The following THSD7A variants were observed in gnomAD, a reference collection of about 807,000 sequenced individuals.
THSD7A encodes the protein thrombospondin type-1 domain-containing protein 7A.
Under a neutral mutation model 231.3 loss-of-function variants are expected in THSD7A, and 96 were observed. The ratio of observed to expected loss-of-function variants is 0.41; its 90% confidence interval spans 0.35 to 0.49. THSD7A has a LOEUF of 0.49. THSD7A is among the 20% of genes least tolerant of loss of function. The pLI is 0.05. For synonymous variants in THSD7A, 940 were observed against 743.3 expected, an observed-to-expected ratio of 1.26 and a Z score of -4.30; for missense variants, 2,290 against 2,070.2, an observed-to-expected ratio of 1.11 and a Z score of -2.06.
At chr7:11,640,920 A>G (rs1452816257) in intron 1 of THSD7A, among the ~76,000 whole-genome samples, 1 of 152,136 alleles carries the variant, frequency 6.6e-6, no homozygotes, top group Non-Finnish European at 1.5e-5. Context: ...TTCATTCTTT[A>G]GTTTTGAGAA....
At chr7:11,558,976 G>A (rs556986647) in intron 4 of THSD7A, among the ~76,000 whole-genome samples, 2 of 114,428 alleles carry the variant, frequency 1.7e-5, no homozygotes, top group Non-Finnish European at 4.0e-5. Flanking sequence ...AAGATGAGAT[G>A]GAAGAAAAAG....
chr7:11,477,559 G>A (rs1321382095), intron 7 of THSD7A, among the ~76,000 whole-genome samples: 1 of 152,010 alleles, frequency 6.6e-6, no homozygotes, highest in Middle Eastern at 3.2e-3. Flanking sequence ...ATAATATGTG[G>A]ATCCATGGTT....
At position 11,537,495 on chromosome 7, in the gene THSD7A, A is replaced by C. The variant is rs746089147; in HGVS notation, c.1822+3924T>G. ...ATCTGGTTGTTCAAAAATGTGTGGC[A>C]TCTCTCTCTTCTCTCCCTCTGTTGC... On this transcript the variant is annotated intron_variant, in intron 6 of 27. Coordinates refer to ENST00000423059, the MANE Select transcript of THSD7A (RefSeq NM_015204.3). Among the ~76,000 whole-genome samples the C allele has an allele frequency of 3.0e-4, 45 of 152,140 alleles. 1 individual carries two copies. Among genetic ancestry groups the C allele is most frequent in the South Asian group, 2.1e-4 (1 of 4,808 alleles).
At chr7:11,713,563 A>G (rs1030559266) in intron 1 of THSD7A, among the ~76,000 whole-genome samples, 2 of 151,250 alleles carry the variant, frequency 1.3e-5, no homozygotes, top group African/African-American at 4.8e-5. Flanking sequence ...TATTCAGAGT[A>G]AAAGTCCGAA....
At chr7:11,677,482 G>A (rs1016298304) in intron 1 of THSD7A, among the ~76,000 whole-genome samples, 1 of 146,142 alleles carries the variant, frequency 6.8e-6, no homozygotes, top group Non-Finnish European at 1.5e-5. Flanking sequence ...AAAGAGTCAA[G>A]ACCCATCAGT....
At chr7:11,685,891 G>A (rs1223562731) in intron 1 of THSD7A, among the ~76,000 whole-genome samples, 2 of 151,826 alleles carry the variant, frequency 1.3e-5, no homozygotes, top group Non-Finnish European at 2.9e-5. Flanking sequence ...AAAATAAATT[G>A]TTCTTCCAAA....
intron 4 of THSD7A, among the ~76,000 whole-genome samples, chr7:11,582,913 T>C (rs1472388427): frequency 1.4e-5 from 2 of 147,898 alleles, no homozygotes; most frequent in African/African-American, 5.1e-5. Context: ...TTTTTCCTAA[T>C]TCTGTATATC....
chr7:11,817,429 C>T (rs1226429857), intron 1 of THSD7A, among the ~76,000 whole-genome samples: 2 of 152,208 alleles, frequency 1.3e-5, no homozygotes, highest in Non-Finnish European at 2.9e-5. Flanking sequence ...AAAAACCATA[C>T]TTTGAACAAC....
At chr7:11,740,631 T>C (rs1372096895) in intron 1 of THSD7A, among the ~76,000 whole-genome samples, 1 of 151,910 alleles carries the variant, frequency 6.6e-6, no homozygotes, top group Non-Finnish European at 1.5e-5. Context: ...CTCCCTTGGG[T>C]CATTCTGGTC....
chr7:11,830,559 T>A (rs1234158078), intron 1 of THSD7A, among the ~76,000 whole-genome samples: 1 of 152,256 alleles, frequency 6.6e-6, no homozygotes, highest in Non-Finnish European at 1.5e-5. Flanking sequence ...ATCTTGCTTT[T>A]TAAAATGTGT....
Position 11,375,740 on chromosome 7 carries a change from G to A in THSD7A, c.*54C>T, listed in dbSNP as rs555455789. 2.3e-5 allele frequency: 33 copies of A among 1,432,516 alleles called. No individual in the cohort carries two copies. Among genetic ancestry groups the A allele is most frequent in the South Asian group, 1.3e-4 (11 of 85,070 alleles). The allele number at this position is 1,432,516 out of a possible 1,614,324, so 88.7% of individuals were successfully genotyped here. A position where few individuals can be genotyped will look rare whatever the true frequency, so the allele number is the denominator to read the frequency against. ...TTGGATACATTTGTTGTGGCCTCTG[G>A]ACATCTATGAAGTCAGAAAGCCGAA... On this transcript the variant is annotated 3_prime_UTR_variant, in exon 28 of 28. Transcript: ENST00000423059.
chr7:11,463,926 C>G (rs1438397000), intron 9 of THSD7A, among the ~76,000 whole-genome samples: 5 of 152,104 alleles, frequency 3.3e-5, no homozygotes, highest in Non-Finnish European at 7.4e-5. Flanking sequence ...AGGGAAAATT[C>G]TGTCTCCCTT....
chr7:11,373,803 C>G lies in THSD7A; in HGVS notation c.*1991G>C, dbSNP rs949051194. On this transcript the variant is annotated 3_prime_UTR_variant, in exon 28 of 28. Transcript: ENST00000423059. ...CCAAAACACTTTTACAGGAACACAG[C>G]TGTTTAAGATAAAATAGCATGTTAG... is the stretch of plus-strand genomic sequence containing the variant. The G allele has an allele frequency of 3.0e-4, 46 of 152,008 alleles. No individual in the cohort carries two copies. Among genetic ancestry groups the G allele is most frequent in the African/African-American group, 1.1e-3 (44 of 41,414 alleles). 9.4% of individuals were successfully genotyped at this position (152,008 alleles called of 1,614,324 possible). A position where few individuals can be genotyped will look rare whatever the true frequency, so the allele number is the denominator to read the frequency against.
At chr7:11,597,027 C>T (rs1482118200) in intron 2 of THSD7A, among the ~76,000 whole-genome samples, 2 of 152,230 alleles carry the variant, frequency 1.3e-5, no homozygotes, top group Non-Finnish European at 2.9e-5. Context: ...TTGCTTTTCA[C>T]TTCCACAAAG....
chr7:11,815,750 C>T (rs772244870), intron 1 of THSD7A, among the ~76,000 whole-genome samples: 13 of 152,014 alleles, frequency 8.6e-5, no homozygotes, highest in African/African-American at 7.2e-5. Context: ...ATTTTATAAA[C>T]CCAAATGACT....
chr7:11,641,710 G>T (rs923790707), intron 1 of THSD7A, among the ~76,000 whole-genome samples: 27 of 150,714 alleles, frequency 1.8e-4, no homozygotes, highest in South Asian at 1.1e-3. Context: ...GAAGGCACCA[G>T]TGAAAGCAGA....
At position 11,571,929 on chromosome 7, in the gene THSD7A, T is replaced by A. The variant is rs535206565; in HGVS notation, c.1453+18531A>T. On this transcript the variant is annotated intron_variant, in intron 4 of 27. Coordinates refer to ENST00000423059, the MANE Select transcript of THSD7A (RefSeq NM_015204.3). Reference sequence around the variant, plus strand: ...GTGGTTTGCTGAGCTTTGTGGATCTTTAAGTTGATGTTTTTTTAACTGAAT... The same window carrying A: ...GTGGTTTGCTGAGCTTTGTGGATCTATAAGTTGATGTTTTTTTAACTGAAT... 1.1e-3 allele frequency among the ~76,000 whole-genome samples: 175 copies of A among 152,304 alleles called. 1 individual carries two copies. The Middle Eastern group carries it at 0.014, about 12-fold the overall frequency.
At chr7:11,721,593 G>T (rs1419539026) in intron 1 of THSD7A, among the ~76,000 whole-genome samples, 1 of 151,636 alleles carries the variant, frequency 6.6e-6, no homozygotes, top group South Asian at 2.1e-4. Flanking sequence ...ATGTGAGAAC[G>T]GACTAATACA....
intron 1 of THSD7A, among the ~76,000 whole-genome samples, chr7:11,671,760 C>A (rs1783405386): frequency 1.3e-5 from 2 of 152,238 alleles, no homozygotes; most frequent in East Asian, 1.9e-4. Flanking sequence ...ACAATATATA[C>A]ATTTCCTCTT....
Sources: gnomAD v4.1 joint callset for allele counts (sites outside exome capture counted in the v4.1 genomes callset) on GRCh38, gnomAD v4.1.1 for gene constraint, MANE v1.5 for transcripts, NCBI Gene and HGNC (gene_info 2026-07-23, HGNC 2026-07-21) for gene names.